PELI2: variants seen among roughly 807,000 people sequenced by gnomAD.
PELI2 encodes the protein E3 ubiquitin-protein ligase pellino homolog 2.
PELI2 carries 23 observed loss-of-function variants against 42.3 expected under a neutral mutation model. The ratio of observed to expected loss-of-function variants is 0.54; its 90% CI spans 0.39 to 0.77. The LOEUF is 0.77. Among genes scored for constraint, PELI2 ranks in the 30% least tolerant of loss-of-function variants. PELI2 has a pLI of 0.00. For missense variants in PELI2, 463 were observed against 553.2 expected (o/e 0.84, Z 1.64); for synonymous variants, 245 against 212.2 (o/e 1.15, Z -1.34).
intron 2 of PELI2, among the ~76,000 whole-genome samples, chr14:56,252,657 C>T (rs369967139): frequency 2.0e-5 from 3 of 151,668 alleles, no homozygotes; most frequent in Admixed American, 6.6e-5. Context: ...AGAGGGAGAG[C>T]GAGACGTCTG....
intron 2 of PELI2, among the ~76,000 whole-genome samples, chr14:56,250,558 T>A (rs368698358): frequency 6.6e-6 from 1 of 152,154 alleles, no homozygotes; most frequent in African/African-American, 2.4e-5. Context: ...ACCACTGATG[T>A]AAGTCCAAGA....
chr14:56,136,536 G>C (rs973657484), intron 1 of PELI2, among the ~76,000 whole-genome samples: 1 of 152,180 alleles, frequency 6.6e-6, no homozygotes, highest in South Asian at 2.1e-4. Context: ...CTTCAGAGCT[G>C]TTTAGTTAGA....
chr14:56,197,033 A>G lies in PELI2; in HGVS notation c.207+18569A>G, dbSNP rs1886155464. Among the ~76,000 whole-genome samples, 1 of 130,000 alleles carries G rather than the reference A, an allele frequency of 7.7e-6. No homozygotes were observed. Among genetic ancestry groups the G allele is most frequent in the Non-Finnish European group, 1.8e-5 (1 of 55,886 alleles). The allele number at this position is 130,000 out of a possible 152,430, so 85.3% of individuals were successfully genotyped here. On this transcript the variant is annotated intron_variant, in intron 2 of 5. Transcript: ENST00000267460. The surrounding 1 kb of genome is among the most constrained non-coding windows in gnomAD (Gnocchi z 4.9). ...TTCTAGGTGTTTAGATTTTTCTTGCATTAGAATTTTTTGTTTATTTAATTA... is the reference window on the plus strand; with the variant it reads ...TTCTAGGTGTTTAGATTTTTCTTGCGTTAGAATTTTTTGTTTATTTAATTA...
chr14:56,171,245 C>A (rs931182633), intron 1 of PELI2, among the ~76,000 whole-genome samples: 1 of 152,238 alleles, frequency 6.6e-6, no homozygotes, highest in East Asian at 1.9e-4. Context: ...GACGGCTCCA[C>A]CCTTGTAAAT....
At chr14:56,264,858 C>T (rs916417301) in intron 2 of PELI2, among the ~76,000 whole-genome samples, 22 of 152,058 alleles carry the variant, frequency 1.4e-4, no homozygotes, top group African/African-American at 3.6e-4. Flanking sequence ...GCTCAGTATT[C>T]GGTAAATCAA....
chr14:56,171,486 T>C (rs972483702), intron 1 of PELI2, among the ~76,000 whole-genome samples: 2 of 152,202 alleles, frequency 1.3e-5, no homozygotes, highest in African/African-American at 4.8e-5. Flanking sequence ...TATTCTGTTA[T>C]AGCAGCACAA....
chr14:56,183,433 C>T (rs1296537730), intron 2 of PELI2, among the ~76,000 whole-genome samples: 1 of 151,554 alleles, frequency 6.6e-6, no homozygotes, highest in Admixed American at 6.6e-5. Context: ...TTTGACAAGG[C>T]AAAGGAAAAA....
chr14:56,173,868 G>A (rs990250888), intron 1 of PELI2, among the ~76,000 whole-genome samples: 2 of 152,116 alleles, frequency 1.3e-5, no homozygotes, highest in African/African-American at 4.8e-5. Context: ...TGCAAACACC[G>A]CTTTTCCAAA....
chr14:56,289,214 G>T (rs865774064), intron 4 of PELI2, among the ~76,000 whole-genome samples: 1 of 152,180 alleles, frequency 6.6e-6, no homozygotes, highest in African/African-American at 2.4e-5. Context: ...CAGTGAAAAT[G>T]TACTATTCCC....
chr14:56,143,042 C>T (rs1427814250), intron 1 of PELI2, among the ~76,000 whole-genome samples: 1 of 152,114 alleles, frequency 6.6e-6, no homozygotes, highest in African/African-American at 2.4e-5. Context: ...CAGTTTTTCC[C>T]CAATCCTTTT....
chr14:56,288,749 G>A lies in PELI2; in HGVS notation c.507+115G>A, dbSNP rs921873448. On this transcript the variant is annotated intron_variant, in intron 4 of 5. Transcript: ENST00000267460. This position sits in a 1 kb window ranked among gnomAD's most constrained non-coding sequence, Gnocchi z 4.6. ...TGTATGTTGCCTCTAGTGAGATTTT[G>A]AGATTTTAGTTTTCAGGTGGCCAGT... The A allele has an allele frequency of 5.5e-6, 4 of 727,602 alleles. No individual in the cohort carries two copies. The highest frequency in any genetic ancestry group is 5.5e-5 in the South Asian group (3 of 54,802). The allele number at this position is 727,602 out of a possible 1,614,324, so 45.1% of individuals were successfully genotyped here.
intron 2 of PELI2, among the ~76,000 whole-genome samples, chr14:56,275,618 G>A (rs117027446): frequency 0.032 from 4,928 of 152,174 alleles, 130 homozygotes; most frequent in Non-Finnish European, 0.05. Context: ...ACCTAATGCC[G>A]CTGCTGATCT....
chr14:56,243,240 T>A (rs147671947), intron 2 of PELI2, among the ~76,000 whole-genome samples: 36 of 152,284 alleles, frequency 2.4e-4, no homozygotes, highest in East Asian at 1.7e-3. Flanking sequence ...CCCCTTGATA[T>A]AAGATGCAGA....
chr14:56,205,909 G>C lies in PELI2; in HGVS notation c.207+27445G>C, dbSNP rs542464025. Among the ~76,000 whole-genome samples the C allele has an allele frequency of 4.6e-5, 7 of 152,282 alleles. No individual in the cohort carries two copies. In the East Asian group the frequency reaches 1.4e-3, roughly 29 times the overall value. ...ATAAAAGGCTGCTCTAAGTATCATGGGTATCTAAGAGGGTAATTGGAGAGT... is the reference window on the plus strand; with the variant it reads ...ATAAAAGGCTGCTCTAAGTATCATGCGTATCTAAGAGGGTAATTGGAGAGT... On this transcript the variant is annotated intron_variant, in intron 2 of 5. Coordinates refer to ENST00000267460, the MANE Select transcript of PELI2 (RefSeq NM_021255.3).
chr14:56,249,216 A>G (rs1317532655), intron 2 of PELI2, among the ~76,000 whole-genome samples: 4 of 151,074 alleles, frequency 2.6e-5, no homozygotes, highest in Admixed American at 2.0e-4. Context: ...TTCAAGCGGT[A>G]TTGAGCATTT....
chr14:56,279,496 A>G (rs1889402991), intron 2 of PELI2, among the ~76,000 whole-genome samples, 180 bp from the exon 3 acceptor site: 1 of 152,218 alleles, frequency 6.6e-6, no homozygotes, highest in African/African-American at 2.4e-5. Context: ...TAAAACCAGA[A>G]TTGTGACTCT....
At chr14:56,285,710 C>T (rs539093175) in intron 3 of PELI2, among the ~76,000 whole-genome samples, 1 of 152,104 alleles carries the variant, frequency 6.6e-6, no homozygotes, top group African/African-American at 2.4e-5. Flanking sequence ...GGGAAGGAAG[C>T]TCAATTGGAG....
chr14:56,292,228 A>G (rs923243811), intron 5 of PELI2, among the ~76,000 whole-genome samples: 1 of 152,224 alleles, frequency 6.6e-6, no homozygotes, highest in Non-Finnish European at 1.5e-5. Flanking sequence ...AGAACTATGT[A>G]AAATTGTGCT....
At chr14:56,179,085 G>C (rs979409680) in intron 2 of PELI2, among the ~76,000 whole-genome samples, 2 of 151,810 alleles carry the variant, frequency 1.3e-5, no homozygotes, top group African/African-American at 2.4e-5. Flanking sequence ...AAAAAAAACT[G>C]GTTATTTGTT....
Sources: gnomAD v4.1 joint callset for allele counts (sites outside exome capture counted in the v4.1 genomes callset) on GRCh38, gnomAD v4.1.1 for gene constraint, Gnocchi (gnomAD v3.1) non-coding constraint, MANE v1.5 for transcripts, NCBI Gene and HGNC (gene_info 2026-07-23, HGNC 2026-07-21) for gene names.